CERT1: variants seen among roughly 807,000 people sequenced by gnomAD.
CERT1 encodes the protein ceramide transporter 1.
Under a neutral mutation model 87.9 loss-of-function variants are expected in CERT1, and 31 were observed. The observed-to-expected ratio is 0.35, with a 90% CI of 0.27 to 0.48. The LOEUF (loss-of-function observed/expected upper bound fraction) is 0.48, where lower values mean the gene tolerates loss of function less well. Ranked by LOEUF, CERT1 falls within the 20% of genes least tolerant of loss-of-function variation. The pLI is 0.99. For synonymous variants in CERT1, 289 were observed against 250.9 expected (o/e 1.15, Z -1.44); for missense variants, 487 against 758.0 (o/e 0.64, Z 4.20).
chr5:75,430,639 T>C (rs1452041831), intron 3 of CERT1, among the ~76,000 whole-genome samples: 11 of 152,044 alleles, frequency 7.2e-5, no homozygotes, highest in Non-Finnish European at 1.5e-4. Context: ...TAAATGTAAA[T>C]TGTACCCCAA....
intron 8 of CERT1, among the ~76,000 whole-genome samples, chr5:75,410,293 G>T (rs187775931): frequency 1.2e-3 from 183 of 152,234 alleles, no homozygotes; most frequent in African/African-American, 4.1e-3. Context: ...AATTAGAACA[G>T]TTTTATGTTC....
chr5:75,500,131 T>G (rs1767280366), intron 2 of CERT1, among the ~76,000 whole-genome samples: 1 of 152,114 alleles, frequency 6.6e-6, no homozygotes, highest in Non-Finnish European at 1.5e-5. Context: ...TACCAAAGAT[T>G]GCCAGCAAAC....
chr5:75,374,516 G>T, downstream of CERT1: 1 of 720,186 alleles, frequency 1.4e-6, no homozygotes, highest in South Asian at 1.4e-5. Context: ...ACAGCCACGT[G>T]CAGCCTGTTT....
intron 15 of CERT1, among the ~76,000 whole-genome samples, chr5:75,381,695 A>AG (rs1761593276): frequency 6.6e-6 from 1 of 151,834 alleles, no homozygotes; most frequent in African/African-American, 2.4e-5. Context: ...TGCCCAGTGT[A>AG]TGTACTGCCC....
chr5:75,422,413 T>C (rs1001211892), intron 5 of CERT1, among the ~76,000 whole-genome samples: 6 of 152,080 alleles, frequency 3.9e-5, no homozygotes, highest in Admixed American at 2.0e-4. Flanking sequence ...CTCAGGAGTT[T>C]GAGACAAGCC....
intron 2 of CERT1, among the ~76,000 whole-genome samples, chr5:75,466,402 AGTTG>A (rs1226473884): frequency 6.6e-6 from 1 of 152,186 alleles, no homozygotes; most frequent in Non-Finnish European, 1.5e-5. Context: ...GCCACTTCTT[AGTTG>A]TATGAGGTGT....
At chr5:75,380,729 G>A (rs1463231129) in intron 16 of CERT1, among the ~76,000 whole-genome samples, 1 of 134,334 alleles carries the variant, frequency 7.4e-6, no homozygotes, top group African/African-American at 2.8e-5. Context: ...AGTGAGCTGA[G>A]ACTGCACCAC....
chr5:75,489,746 A>C (rs1766688245), intron 2 of CERT1, among the ~76,000 whole-genome samples: 1 of 152,200 alleles, frequency 6.6e-6, no homozygotes, highest in Non-Finnish European at 1.5e-5. Context: ...TAGATGCTGG[A>C]GAGGATGTGG....
Position 75,506,126 on chromosome 5 carries a change from G to C in CERT1, c.97-10C>G, listed in dbSNP as rs760303962. On this transcript the variant is annotated splice_polypyrimidine_tract_variant and intron_variant, in intron 1 of 16. Coordinates refer to ENST00000643780, the MANE Select transcript of CERT1 (RefSeq NM_001379029.1). ...GAATGTAGTTTGTCCACTGGGAGTG[G>C]GAAGGGGAAGGGAAGAGAGAAGAAA... The C allele has an allele frequency of 4.3e-6, 7 of 1,611,068 alleles. No individual in the cohort carries two copies. Among genetic ancestry groups the C allele is most frequent in the African/African-American group, 1.3e-5 (1 of 74,792 alleles).
chr5:75,482,413 GA>G (rs1467964295), intron 2 of CERT1, among the ~76,000 whole-genome samples: 2 of 152,200 alleles, frequency 1.3e-5, no homozygotes, highest in African/African-American at 4.8e-5. Flanking sequence ...GACACCTAAG[GA>G]TTCTGACTCC....
chr5:75,497,644 C>A (rs866256267), intron 2 of CERT1, among the ~76,000 whole-genome samples: 1 of 151,998 alleles, frequency 6.6e-6, no homozygotes, highest in East Asian at 1.9e-4. Flanking sequence ...TTTTTCCTGC[C>A]GCCCTGTTAA....
intron 2 of CERT1, among the ~76,000 whole-genome samples, chr5:75,486,980 A>C (rs1216729847): frequency 6.6e-6 from 1 of 152,016 alleles, no homozygotes. Context: ...CACAAGAAAC[A>C]ATCCTAAAAT....
rs1037727002 is a variant in CERT1, at chr5:75,426,384, G to A, written c.443C>T (p.Thr148Ile). ...SGASGYSATS[T>I]SSFKKGHSLR... ...TTAACTACACACCTTGAATGAAGAG[G>A]TGGATGTTGCAGAGTAGCCACTTGC... is the stretch of plus-strand genomic sequence containing the variant. The change falls in exon 4 of 17, where the codon ACC (threonine) becomes ATC (isoleucine). Residue 148 changes from threonine to isoleucine, a missense_variant. Coordinates refer to ENST00000643780, the MANE Select transcript of CERT1 (RefSeq NM_001379029.1). The A allele has an allele frequency of 6.2e-7, 1 of 1,611,886 alleles. No homozygotes were observed. The highest frequency in any genetic ancestry group is 1.7e-5 in the Admixed American group (1 of 59,982).
chr5:75,479,724 T>C (rs780609246), intron 2 of CERT1, among the ~76,000 whole-genome samples: 4 of 152,228 alleles, frequency 2.6e-5, no homozygotes, highest in Admixed American at 6.5e-5. Context: ...TGTCTTTTTT[T>C]TATTGTGAAT....
intron 7 of CERT1, among the ~76,000 whole-genome samples, chr5:75,411,776 A>G (rs1311318481): frequency 6.6e-6 from 1 of 152,148 alleles, no homozygotes; most frequent in Non-Finnish European, 1.5e-5. Flanking sequence ...TCCCCTTCCC[A>G]CCAACCCCAG....
chr5:75,403,596 T>C (rs1762587374), intron 8 of CERT1, among the ~76,000 whole-genome samples: 1 of 152,224 alleles, frequency 6.6e-6, no homozygotes, highest in Non-Finnish European at 1.5e-5. Context: ...AGTAAAAATT[T>C]GCACAAGAAC....
At chr5:75,421,395 C>T (rs1268702577) in intron 5 of CERT1, among the ~76,000 whole-genome samples, 1 of 152,140 alleles carries the variant, frequency 6.6e-6, no homozygotes, top group Non-Finnish European at 1.5e-5. Context: ...AAAATGTTGT[C>T]AATCATCTAT....
At chr5:75,416,460 T>A (rs1763138736) in intron 7 of CERT1, among the ~76,000 whole-genome samples, 1 of 152,178 alleles carries the variant, frequency 6.6e-6, no homozygotes. Context: ...TTAAATGGTA[T>A]CACTGACCAT....
chr5:75,405,470 T>C (rs1194984837), intron 8 of CERT1, among the ~76,000 whole-genome samples: 6 of 152,178 alleles, frequency 3.9e-5, no homozygotes, highest in Admixed American at 2.6e-4. Flanking sequence ...GTCAGATCTT[T>C]GTATCTAATA....
Sources: gnomAD v4.1 joint callset for allele counts (sites outside exome capture counted in the v4.1 genomes callset) on GRCh38, gnomAD v4.1.1 for gene constraint, MANE v1.5 for transcripts, NCBI Gene and HGNC (gene_info 2026-07-23, HGNC 2026-07-21) for gene names.